The following PDE8A variants were observed in gnomAD, a reference collection of about 807,000 sequenced individuals.
The protein encoded by PDE8A is phosphodiesterase 8A, also known as high affinity cAMP-specific and IBMX-insensitive 3',5'-cyclic phosphodiesterase 8A.
Under a neutral mutation model 105.0 loss-of-function variants are expected in PDE8A, and 59 were observed. The ratio of observed to expected loss-of-function variants is 0.56; its 90% CI spans 0.46 to 0.70. The LOEUF (loss-of-function observed/expected upper bound fraction) is 0.70. PDE8A is among the 30% of genes least tolerant of loss of function. The probability of loss-of-function intolerance (pLI) is 0.00; values close to 1 mark genes in which losing one functional copy is unlikely to be tolerated. For synonymous variants in PDE8A, 355 were observed against 371.9 expected (o/e 0.95, Z 0.52); for missense variants, 1,014 against 1,045.9 (o/e 0.97, Z 0.42).
At chr15:85,093,809 C>T (rs925942096) in intron 8 of PDE8A, among the ~76,000 whole-genome samples, 1 of 152,088 alleles carries the variant, frequency 6.6e-6, no homozygotes, top group African/African-American at 2.4e-5. Flanking sequence ...AACCCATAGT[C>T]TCCCATCTTC....
At chr15:85,052,002 G>A (rs975700718) in intron 1 of PDE8A, among the ~76,000 whole-genome samples, 6 of 150,618 alleles carry the variant, frequency 4.0e-5, no homozygotes, top group African/African-American at 1.5e-4. Context: ...GCCCCGGTGT[G>A]TGATGTTCCT....
At chr15:84,984,645 T>G (rs2079772885) in intron 1 of PDE8A, among the ~76,000 whole-genome samples, 1 of 152,232 alleles carries the variant, frequency 6.6e-6, no homozygotes, top group African/African-American at 2.4e-5. Context: ...CATTTTTAGG[T>G]TAAGCAGTAT....
At chr15:85,036,762 G>T (rs2080713464) in intron 1 of PDE8A, among the ~76,000 whole-genome samples, 1 of 152,120 alleles carries the variant, frequency 6.6e-6, no homozygotes, top group Non-Finnish European at 1.5e-5. Flanking sequence ...GAGGGACACA[G>T]TAGAAGAATC....
chr15:84,987,413 A>G (rs1034732364), intron 1 of PDE8A, among the ~76,000 whole-genome samples: 1 of 148,742 alleles, frequency 6.7e-6, no homozygotes, highest in African/African-American at 2.5e-5. Context: ...TTTCCTGTGA[A>G]GTGGCTTATG....
At chr15:85,114,369 T>C (rs1336881632) in intron 14 of PDE8A, among the ~76,000 whole-genome samples, 2 of 152,214 alleles carry the variant, frequency 1.3e-5, no homozygotes, top group African/African-American at 4.8e-5. Context: ...TCTTCAAAAC[T>C]GGGACAGTGT....
chr15:85,057,503 C>T (rs2081080713), intron 1 of PDE8A, among the ~76,000 whole-genome samples: 2 of 152,152 alleles, frequency 1.3e-5, no homozygotes, highest in South Asian at 4.1e-4. Flanking sequence ...AGGCGATGCC[C>T]CTCCCTGCTC....
At chr15:85,122,464 T>C (rs1468888049) in intron 18 of PDE8A, among the ~76,000 whole-genome samples, 1 of 152,230 alleles carries the variant, frequency 6.6e-6, no homozygotes, top group Non-Finnish European at 1.5e-5. Context: ...TCTATTCATA[T>C]TTGCTTATAG....
chr15:85,038,157 CCTT>C (rs1423075952), intron 1 of PDE8A, among the ~76,000 whole-genome samples: 5 of 151,890 alleles, frequency 3.3e-5, no homozygotes, highest in African/African-American at 9.7e-5. Context: ...ATTGAGTTAT[CCTT>C]CTTAGCTCTT....
intron 1 of PDE8A, among the ~76,000 whole-genome samples, chr15:85,048,685 A>G (rs1298063868): frequency 6.6e-6 from 1 of 152,266 alleles, no homozygotes; most frequent in Non-Finnish European, 1.5e-5. Context: ...TGCTGGTGCC[A>G]CAAACAAAAA....
intron 5 of PDE8A, among the ~76,000 whole-genome samples, chr15:85,078,239 C>T (rs1436190356): frequency 8.4e-6 from 1 of 118,484 alleles, no homozygotes; most frequent in Non-Finnish European, 1.7e-5. Context: ...AGCTTCTCAG[C>T]AGCAACAAGT....
intron 19 of PDE8A, among the ~76,000 whole-genome samples, 193 bp downstream of exon 19, chr15:85,123,386 A>ACACACACACACACACACACACACAC (rs2082213349): frequency 1.4e-5 from 2 of 141,214 alleles, no homozygotes; most frequent in Non-Finnish European, 3.1e-5. Flanking sequence ...ACACACACAC[A>ACACACACACACACACACACACACAC]AAGGGGAGTT....
At chr15:85,128,774 GA>G (rs1174363317) in intron 20 of PDE8A, among the ~76,000 whole-genome samples, 1 of 152,122 alleles carries the variant, frequency 6.6e-6, no homozygotes, top group Non-Finnish European at 1.5e-5. Flanking sequence ...ATAAGCACAT[GA>G]AAAAAGTGCT....
Position 85,054,012 on chromosome 15 carries a change from G to A in PDE8A, c.187-10358G>A, listed in dbSNP as rs2081018364. 4.2e-5 allele frequency among the ~76,000 whole-genome samples: 4 copies of A among 94,960 alleles called. No homozygotes were observed. The South Asian group carries it at 1.5e-3, about 36-fold the overall frequency. The allele number at this position is 94,960 out of a possible 152,430, so 62.3% of individuals were successfully genotyped here. A position where few individuals can be genotyped will look rare whatever the true frequency, so the allele number is the denominator to read the frequency against. ...GTCCCATCAATACCTAGTTTATCGA[G>A]AGTTTTTAGCATGAAGGGCTGTTGA... On this transcript the variant is annotated intron_variant, in intron 1 of 21. Transcript: ENST00000394553.
At chr15:84,993,293 A>C (rs1353085408) in intron 1 of PDE8A, among the ~76,000 whole-genome samples, 1 of 152,026 alleles carries the variant, frequency 6.6e-6, no homozygotes, top group African/African-American at 2.4e-5. Context: ...AATACAAAAA[A>C]TTAGCCGGGT....
At position 85,019,768 on chromosome 15, in the gene PDE8A, C is replaced by T. The variant is rs1303970816; in HGVS notation, c.186+37420C>T. Among the ~76,000 whole-genome samples the T allele has an allele frequency of 6.6e-5, 10 of 151,726 alleles. No homozygotes were observed. The East Asian group carries it at 1.6e-3, about 24-fold the overall frequency. On this transcript the variant is annotated intron_variant, in intron 1 of 21. Transcript: ENST00000394553. ...CTAATTTTTGTATTTTTAGTAGAGACGAGGTTTCACTATGTTGGCCAGGCT... is the reference window on the plus strand; with the variant it reads ...CTAATTTTTGTATTTTTAGTAGAGATGAGGTTTCACTATGTTGGCCAGGCT...
intron 2 of PDE8A, 59 bp downstream of exon 2, chr15:85,064,485 T>G: frequency 9.0e-7 from 1 of 1,113,272 alleles, no homozygotes; most frequent in Non-Finnish European, 1.4e-6. Context: ...AGGGTGGAGG[T>G]GGAGCTAAAT....
rs555837240 is a variant in PDE8A, at chr15:85,061,945, T to G, written c.187-2425T>G. ...TTTCAGCTCCAGAAATTATTTTTGG[T>G]TTCTTTTTAGTTTTTTTCATCTCTT... On this transcript the variant is annotated intron_variant, in intron 1 of 21. Coordinates refer to ENST00000394553, the MANE Select transcript of PDE8A (RefSeq NM_002605.3). Among the ~76,000 whole-genome samples the G allele has an allele frequency of 2.6e-5, 4 of 152,290 alleles. No homozygotes were observed. The East Asian group carries it at 7.7e-4, about 29-fold the overall frequency.
intron 7 of PDE8A, chr15:85,090,783 AG>A (rs1216340599): frequency 2.0e-6 from 1 of 500,874 alleles, no homozygotes; most frequent in Non-Finnish European, 3.8e-6. Context: ...TTGAAGTGGG[AG>A]TGGGCCTGCT....
At chr15:85,127,302 A>G (rs2082271954) in intron 20 of PDE8A, among the ~76,000 whole-genome samples, 1 of 152,212 alleles carries the variant, frequency 6.6e-6, no homozygotes, top group Non-Finnish European at 1.5e-5. Flanking sequence ...CTTCTGTTCA[A>G]CCTTGTATTG....
Sources: allele counts gnomAD v4.1 joint callset (sites outside exome capture counted in the v4.1 genomes callset), GRCh38; gene constraint gnomAD v4.1.1; transcripts MANE v1.5; gene names NCBI Gene and HGNC (gene_info 2026-07-23, HGNC 2026-07-21).